The following RNF216 variants were observed in gnomAD, a reference collection of about 807,000 sequenced individuals.
RNF216 encodes ring finger protein 216, also known as E3 ubiquitin-protein ligase RNF216.
Under a neutral mutation model 110.8 loss-of-function variants are expected in RNF216, and 72 were observed. That is an observed-to-expected ratio of 0.65 (90% CI 0.54 to 0.79). The LOEUF is 0.79. Ranked by LOEUF, RNF216 falls within the 30% of genes least tolerant of loss-of-function variation. RNF216 has a pLI of 0.00. For missense variants in RNF216, 1,342 were observed against 1,141.2 expected, an observed-to-expected ratio of 1.18 and a Z score of -2.54; for synonymous variants, 495 against 407.5, an observed-to-expected ratio of 1.21 and a Z score of -2.59.
chr7:5,736,879 C>G (rs1264505296), intron 5 of RNF216, among the ~76,000 whole-genome samples: 1 of 151,674 alleles, frequency 6.6e-6, no homozygotes, highest in African/African-American at 2.4e-5. Context: ...AGCCCCTCCG[C>G]CCGGCAGCCG....
At chr7:5,722,434 G>C (rs1255199822) in intron 8 of RNF216, among the ~76,000 whole-genome samples, 3 of 149,936 alleles carry the variant, frequency 2.0e-5, no homozygotes, top group Non-Finnish European at 4.4e-5. Context: ...CTGTTGCCCA[G>C]GCAAGGGTGC....
chr7:5,661,666 G>A (rs1013931422), intron 13 of RNF216, among the ~76,000 whole-genome samples: 25 of 152,114 alleles, frequency 1.6e-4, no homozygotes, highest in Admixed American at 3.3e-4. Context: ...AGCCAGGCGT[G>A]GTGGTGCAAG....
At chr7:5,686,414 A>G (rs1477423646) in intron 13 of RNF216, among the ~76,000 whole-genome samples, 3 of 152,002 alleles carry the variant, frequency 2.0e-5, no homozygotes, top group Admixed American at 6.6e-5. Context: ...CATTTCTCTG[A>G]TGAGGAAAGT....
At chr7:5,763,479 A>G (rs1796036133) in intron 1 of RNF216, among the ~76,000 whole-genome samples, 1 of 152,040 alleles carries the variant, frequency 6.6e-6, no homozygotes, top group Admixed American at 6.6e-5. Flanking sequence ...AAAATATAAA[A>G]ATTAGCCAGG....
chr7:5,764,934 G>A (rs1354459637), intron 1 of RNF216, among the ~76,000 whole-genome samples: 1 of 152,022 alleles, frequency 6.6e-6, no homozygotes, highest in Non-Finnish European at 1.5e-5. Flanking sequence ...GTTGGGCATG[G>A]TGGCACACAT....
chr7:5,738,146 A>G (rs529797754), intron 5 of RNF216, among the ~76,000 whole-genome samples: 2 of 151,408 alleles, frequency 1.3e-5, no homozygotes, highest in Non-Finnish European at 2.9e-5. Flanking sequence ...TGCAGATTAG[A>G]AGGAGGGGAA....
At chr7:5,655,743 ACT>A (rs1168887766) in intron 13 of RNF216, among the ~76,000 whole-genome samples, 3 of 152,044 alleles carry the variant, frequency 2.0e-5, no homozygotes, top group Admixed American at 6.5e-5. Flanking sequence ...TTTAAAATGT[ACT>A]CTCTCTTCTA....
chr7:5,708,877 TC>T (rs1792473590), intron 13 of RNF216, among the ~76,000 whole-genome samples: 1 of 152,082 alleles, frequency 6.6e-6, no homozygotes, highest in South Asian at 2.1e-4. Flanking sequence ...GCTCTACTCT[TC>T]CCCTGGACCC....
chr7:5,663,156 T>C (rs941490978), intron 13 of RNF216, among the ~76,000 whole-genome samples: 4 of 152,210 alleles, frequency 2.6e-5, no homozygotes, highest in African/African-American at 7.2e-5. Flanking sequence ...ACTGCACTTT[T>C]AGTGGCGTCT....
chr7:5,695,521 C>T (rs1791571967), intron 13 of RNF216, among the ~76,000 whole-genome samples: 1 of 152,238 alleles, frequency 6.6e-6, no homozygotes. Context: ...GAGTGCCTCT[C>T]CCTGCCGGTC....
chr7:5,725,201 C>A, intron 8 of RNF216, 123 bp downstream of exon 8: 3 of 593,636 alleles, frequency 5.1e-6, no homozygotes, highest in Admixed American at 3.3e-5. Flanking sequence ...CTGTCAGTCA[C>A]TCCTTGGACT....
intron 13 of RNF216, among the ~76,000 whole-genome samples, chr7:5,656,343 C>A (rs1004945595): frequency 2.6e-5 from 4 of 152,182 alleles, no homozygotes; most frequent in Non-Finnish European, 5.9e-5. Context: ...AACATGATAA[C>A]CACATTCTTC....
At chr7:5,720,381 C>T (rs1045406705) in intron 9 of RNF216, among the ~76,000 whole-genome samples, 18 of 152,146 alleles carry the variant, frequency 1.2e-4, no homozygotes, top group Admixed American at 1.0e-3. Flanking sequence ...TTCTTAATAA[C>T]GTTTTCTCTA....
chr7:5,770,143 T>G (rs1222550850), intron 1 of RNF216, among the ~76,000 whole-genome samples: 1 of 150,090 alleles, frequency 6.7e-6, no homozygotes, highest in Non-Finnish European at 1.5e-5. Context: ...GCACAGAAGT[T>G]TAAGGCCAGC....
intron 13 of RNF216, among the ~76,000 whole-genome samples, chr7:5,662,919 G>C (rs1390096929): frequency 6.6e-6 from 1 of 152,032 alleles, no homozygotes; most frequent in African/African-American, 2.4e-5. Context: ...AATGCAAGCA[G>C]GACAGTAGAC....
chr7:5,699,121 T>C (rs1562403544), intron 13 of RNF216, among the ~76,000 whole-genome samples: 2 of 152,310 alleles, frequency 1.3e-5, no homozygotes, highest in South Asian at 2.1e-4. Context: ...GCACCCATTA[T>C]CGTGTTTAAT....
intron 1 of RNF216, among the ~76,000 whole-genome samples, chr7:5,777,784 C>T (rs1402741399): frequency 6.6e-6 from 1 of 152,076 alleles, no homozygotes; most frequent in Non-Finnish European, 1.5e-5. Context: ...TCTAAGAATC[C>T]TATTATCTGT....
chr7:5,761,158 T>C lies in RNF216; in HGVS notation c.-69-20A>G, dbSNP rs377277574. 2.8e-6 allele frequency: 2 copies of C among 722,962 alleles called. No individual in the cohort carries two copies. Among genetic ancestry groups the C allele is most frequent in the Non-Finnish European group, 4.6e-6 (2 of 433,782 alleles). 44.8% of individuals were successfully genotyped at this position (722,962 alleles called of 1,614,324 possible). ...AAAGAACTGAAAAGGAAGCAAAGAG[T>C]AACAGTAAGAATGAGGGAGTATCAA... On this transcript the variant is annotated intron_variant, in intron 1 of 16. Coordinates refer to ENST00000389902, the MANE Select transcript of RNF216 (RefSeq NM_207111.4).
At chr7:5,632,806 C>A (rs1046660393) in intron 15 of RNF216, among the ~76,000 whole-genome samples, 1 of 152,078 alleles carries the variant, frequency 6.6e-6, no homozygotes, top group African/African-American at 2.4e-5. Flanking sequence ...CCTCCAGTGC[C>A]CCATCGCTAC....
Sources: gnomAD v4.1 joint callset for allele counts (sites outside exome capture counted in the v4.1 genomes callset) on GRCh38, gnomAD v4.1.1 for gene constraint, MANE v1.5 for transcripts, NCBI Gene and HGNC (gene_info 2026-07-23, HGNC 2026-07-21) for gene names.